The following NSD1 variants were observed in gnomAD, a reference collection of about 807,000 sequenced individuals.
NSD1 encodes nuclear receptor binding SET domain protein 1.
NSD1 carries 26 observed loss-of-function variants against 242.7 expected under a neutral mutation model. The observed-to-expected ratio is 0.11, with a 90% confidence interval of 0.08 to 0.15. The LOEUF is 0.15. NSD1 is among the 10% of genes least tolerant of loss of function. The pLI is 1.00. For missense variants in NSD1, 2,495 were observed against 3,272.8 expected (o/e 0.76, Z 5.80); for synonymous variants, 1,106 against 1,178.1 (o/e 0.94, Z 1.25).
chr5:177,144,200 T>C (rs1277781898), intron 2 of NSD1, among the ~76,000 whole-genome samples: 1 of 151,954 alleles, frequency 6.6e-6, no homozygotes, highest in Non-Finnish European at 1.5e-5. Flanking sequence ...AGTTGTGAAT[T>C]TCAAGAAAGA....
intron 2 of NSD1, among the ~76,000 whole-genome samples, chr5:177,181,738 T>G (rs1412818913): frequency 2.0e-5 from 3 of 151,760 alleles, no homozygotes; most frequent in South Asian, 2.1e-4. Context: ...ATTGTGGTCT[T>G]ACTTTAAGAA....
intron 2 of NSD1, among the ~76,000 whole-genome samples, chr5:177,172,591 A>G (rs1051753402): frequency 3.3e-5 from 5 of 152,194 alleles, no homozygotes; most frequent in African/African-American, 4.8e-5. Context: ...AATATGGCTA[A>G]AAGCTGTTTT....
chr5:177,151,636 G>A (rs1024546594), intron 2 of NSD1, among the ~76,000 whole-genome samples: 2 of 150,594 alleles, frequency 1.3e-5, no homozygotes, highest in African/African-American at 2.4e-5. Flanking sequence ...TGATCTGCCC[G>A]CCTCGGCTTC....
intron 2 of NSD1, among the ~76,000 whole-genome samples, chr5:177,159,993 G>A (rs182693896): frequency 2.0e-5 from 3 of 152,204 alleles, no homozygotes; most frequent in Non-Finnish European, 4.4e-5. Flanking sequence ...TGGCTCAAGC[G>A]ATTCTCCTGC....
chr5:177,246,214 C>T (rs551249423), intron 9 of NSD1, among the ~76,000 whole-genome samples: 74 of 150,932 alleles, frequency 4.9e-4, no homozygotes, highest in African/African-American at 1.7e-3. Flanking sequence ...ATGTGATCTG[C>T]CGGCCTCAGC....
intron 12 of NSD1, among the ~76,000 whole-genome samples, chr5:177,256,007 A>G (rs1756420267): frequency 1.3e-5 from 2 of 152,186 alleles, no homozygotes; most frequent in Non-Finnish European, 1.5e-5. Flanking sequence ...AAAGGTTTCT[A>G]ACACAACATC....
At chr5:177,230,539 A>G (rs1764975062) in intron 5 of NSD1, among the ~76,000 whole-genome samples, 1 of 152,004 alleles carries the variant, frequency 6.6e-6, no homozygotes, top group Admixed American at 6.6e-5. Flanking sequence ...TATAAGAGGA[A>G]ACGTGGCCAG....
At chr5:177,224,321 G>T (rs980544460) in intron 5 of NSD1, among the ~76,000 whole-genome samples, 2 of 152,012 alleles carry the variant, frequency 1.3e-5, no homozygotes, top group African/African-American at 4.8e-5. Context: ...CATCCAATTA[G>T]ATTCGTCTTT....
intron 16 of NSD1, among the ~76,000 whole-genome samples, chr5:177,271,542 A>G (rs1757943760): frequency 6.6e-6 from 1 of 152,216 alleles, no homozygotes; most frequent in South Asian, 2.1e-4. Flanking sequence ...TCTAACCTCT[A>G]CACTGACTTT....
intron 2 of NSD1, among the ~76,000 whole-genome samples, chr5:177,162,522 A>G (rs1235346234): frequency 6.6e-6 from 1 of 151,994 alleles, no homozygotes; most frequent in East Asian, 1.9e-4. Context: ...CTGCCTCATG[A>G]GTAGTTGGAA....
chr5:177,158,250 TTTCTTTCTTTCTTTCTTTC>T (rs1562130066), intron 2 of NSD1, among the ~76,000 whole-genome samples: 3 of 86,694 alleles, frequency 3.5e-5, no homozygotes, highest in South Asian at 6.8e-4. Context: ...TCTTTCTTTC[TTTCTTTCTTTCTTTCTTTC>T]TTTCTTTCTT....
intron 2 of NSD1, among the ~76,000 whole-genome samples, chr5:177,185,378 A>C (rs185912370): frequency 1.1e-3 from 162 of 151,756 alleles, no homozygotes; most frequent in African/African-American, 3.7e-3. Context: ...CTGGTGGATC[A>C]CCTGAGGTCA....
At chr5:177,177,007 AC>A (rs1243557577) in intron 2 of NSD1, among the ~76,000 whole-genome samples, 1 of 152,214 alleles carries the variant, frequency 6.6e-6, no homozygotes, top group Non-Finnish European at 1.5e-5. Flanking sequence ...GTGTGAAAGA[AC>A]TGATTACAGG....
intron 20 of NSD1, among the ~76,000 whole-genome samples, chr5:177,285,079 CA>C (rs1393264754): frequency 6.6e-6 from 1 of 152,092 alleles, no homozygotes; most frequent in South Asian, 2.1e-4. Flanking sequence ...GTAACCAGGA[CA>C]AATAGTAAGA....
intron 2 of NSD1, among the ~76,000 whole-genome samples, chr5:177,185,739 T>A (rs1367196843): frequency 9.5e-6 from 1 of 105,166 alleles, no homozygotes; most frequent in African/African-American, 3.8e-5. Flanking sequence ...ATATATATTT[T>A]ATATATTATA....
chr5:177,239,163 C>G (rs1765665155), intron 7 of NSD1, among the ~76,000 whole-genome samples: 1 of 152,152 alleles, frequency 6.6e-6, no homozygotes, highest in African/African-American at 2.4e-5. Flanking sequence ...ACATTATCAA[C>G]AGTAGCTTTT....
intron 14 of NSD1, 124 bp downstream of exon 14, chr5:177,260,292 C>A: frequency 3.6e-6 from 3 of 833,402 alleles, no homozygotes; most frequent in African/African-American, 1.7e-5. Flanking sequence ...TACTATTCAT[C>A]TGCCATTCAG....
intron 5 of NSD1, among the ~76,000 whole-genome samples, chr5:177,223,073 T>C (rs1764362369): frequency 6.6e-6 from 1 of 151,676 alleles, no homozygotes; most frequent in Admixed American, 6.6e-5. Context: ...AATATTCTTT[T>C]TCTTTTTCTT....
chr5:177,191,951 A>G lies in NSD1; in HGVS notation c.995A>G (p.Lys332Arg), dbSNP rs747262404. The G allele has an allele frequency of 1.9e-6, 3 of 1,614,170 alleles. No individual in the cohort carries two copies. Among genetic ancestry groups the G allele is most frequent in the Non-Finnish European group, 1.7e-6 (2 of 1,179,998 alleles). The change falls in exon 3 of 23, where the codon AAG (lysine) becomes AGG (arginine). Residue 332 changes from lysine to arginine, a missense_variant. Transcript: ENST00000439151. Reference sequence around the variant, plus strand: ...GGAGATCTCATCTGGGCAAAATTCAAGAGACGCCCATGGTGGCCCTGCAGG... The same window carrying G: ...GGAGATCTCATCTGGGCAAAATTCAGGAGACGCCCATGGTGGCCCTGCAGG... ...EVGDLIWAKF[K>R]RRPWWPCRIC...
Sources: gnomAD v4.1 joint callset for allele counts (sites outside exome capture counted in the v4.1 genomes callset) on GRCh38, gnomAD v4.1.1 for gene constraint, MANE v1.5 for transcripts, NCBI Gene and HGNC (gene_info 2026-07-23, HGNC 2026-07-21) for gene names.